The following UNC5D variants were observed in gnomAD, a reference collection of about 807,000 sequenced individuals.
The protein encoded by UNC5D is netrin receptor UNC5D.
A neutral mutation model predicts 105.4 loss-of-function variants in UNC5D; 39 were observed. That is an observed-to-expected ratio of 0.37 (90% CI 0.29 to 0.48). The LOEUF (loss-of-function observed/expected upper bound fraction) is 0.48. UNC5D is among the 20% of genes least tolerant of loss of function. The probability of loss-of-function intolerance (pLI) is 0.98; values close to 1 mark genes in which losing one functional copy is unlikely to be tolerated. For missense variants in UNC5D, 991 were observed against 1,202.4 expected, an observed-to-expected ratio of 0.82 and a Z score of 2.60; for synonymous variants, 452 against 450.4, an observed-to-expected ratio of 1.00 and a Z score of -0.04.
chr8:35,777,557 AG>A (rs1007452144), intron 16 of UNC5D, among the ~76,000 whole-genome samples: 18 of 152,226 alleles, frequency 1.2e-4, no homozygotes. Context: ...ACTAAGAGCC[AG>A]CAAACTTATT....
intron 4 of UNC5D, among the ~76,000 whole-genome samples, chr8:35,606,148 T>A (rs954550944): frequency 4.0e-5 from 6 of 151,792 alleles, no homozygotes; most frequent in Non-Finnish European, 7.4e-5. Context: ...CCACCATGCC[T>A]GGCTAATTTT....
chr8:35,427,113 C>T (rs1052026824), intron 1 of UNC5D, among the ~76,000 whole-genome samples: 2 of 152,104 alleles, frequency 1.3e-5, no homozygotes, highest in Admixed American at 1.3e-4. Context: ...ATATTCAGCT[C>T]CAGCTCAATA....
chr8:35,397,938 G>C (rs1804208448), intron 1 of UNC5D, among the ~76,000 whole-genome samples: 1 of 152,130 alleles, frequency 6.6e-6, no homozygotes, highest in African/African-American at 2.4e-5. Context: ...AGGTGATCCT[G>C]ACCTGTCCAG....
intron 4 of UNC5D, among the ~76,000 whole-genome samples, chr8:35,641,365 G>GCAAAAAAAAAAAAAAAAAAAAAAA (rs1563621756): frequency 5.0e-5 from 1 of 19,874 alleles, no homozygotes; most frequent in African/African-American, 2.0e-4. Flanking sequence ...AAAAAATAAA[G>GCAAAAAAAAAAAAAAAAAAAAAAA]CAAAAAAAAA....
rs571811965 is a variant in UNC5D at position 35,301,065 on chromosome 8, C to T, written c.103+65178C>T. On this transcript the variant is annotated intron_variant, in intron 1 of 16. Transcript: ENST00000404895. ...CCAGTAGCAACAAGCACACCTTGCT[C>T]GTAGATCTTGGTTTCTAAATACAGT... Among the ~76,000 whole-genome samples the T allele has an allele frequency of 4.6e-5, 7 of 152,224 alleles. No individual in the cohort carries two copies. The East Asian group carries it at 5.8e-4, about 13-fold the overall frequency.
At chr8:35,597,918 G>A (rs747461786) in intron 4 of UNC5D, among the ~76,000 whole-genome samples, 7 of 152,094 alleles carry the variant, frequency 4.6e-5, no homozygotes, top group Non-Finnish European at 8.8e-5. Flanking sequence ...CTGGCCTGGT[G>A]TGACCTTATA....
At chr8:35,583,732 A>G (rs901519244) in intron 3 of UNC5D, among the ~76,000 whole-genome samples, 2 of 152,166 alleles carry the variant, frequency 1.3e-5, no homozygotes, top group Admixed American at 6.5e-5. Context: ...GAGAATTTCT[A>G]TATTTTTAGT....
At chr8:35,566,473 T>A (rs1346335383) in intron 2 of UNC5D, among the ~76,000 whole-genome samples, 1 of 152,124 alleles carries the variant, frequency 6.6e-6, no homozygotes, top group African/African-American at 2.4e-5. Flanking sequence ...GTACTTAATT[T>A]AAAAAAATAG....
intron 1 of UNC5D, among the ~76,000 whole-genome samples, chr8:35,251,818 C>A (rs539052420): frequency 4.6e-5 from 7 of 152,112 alleles, no homozygotes; most frequent in African/African-American, 1.7e-4. Flanking sequence ...TTGTACTTAT[C>A]TTAGTGTCTG....
At chr8:35,297,728 G>A (rs1235575783) in intron 1 of UNC5D, among the ~76,000 whole-genome samples, 4 of 152,012 alleles carry the variant, frequency 2.6e-5, no homozygotes, top group Non-Finnish European at 5.9e-5. Flanking sequence ...CATTATAAAT[G>A]TGACAGGTGT....
chr8:35,575,956 T>G (rs1818060375), intron 3 of UNC5D, among the ~76,000 whole-genome samples: 2 of 152,282 alleles, frequency 1.3e-5, no homozygotes, highest in Admixed American at 1.3e-4. Context: ...ATGCACACTC[T>G]AGAATGTGAT....
intron 1 of UNC5D, chr8:35,254,993 A>G (rs1206925190): frequency 1.3e-5 from 2 of 152,222 alleles, no homozygotes; most frequent in Non-Finnish European, 2.9e-5. Flanking sequence ...AAAATAGAGA[A>G]AAGTATTAAA....
intron 11 of UNC5D, among the ~76,000 whole-genome samples, chr8:35,735,041 G>A (rs1225251233): frequency 1.3e-5 from 2 of 152,080 alleles, no homozygotes; most frequent in Admixed American, 6.5e-5. Flanking sequence ...GCCTCCCAAA[G>A]TGCTGGGATT....
At chr8:35,700,471 A>T (rs1827112900) in intron 7 of UNC5D, among the ~76,000 whole-genome samples, 1 of 152,182 alleles carries the variant, frequency 6.6e-6, no homozygotes. Flanking sequence ...GAAAAAAAAT[A>T]CGTTGTGTTT....
chr8:35,530,778 A>G (rs1453614839), intron 1 of UNC5D, among the ~76,000 whole-genome samples: 192 of 139,690 alleles, frequency 1.4e-3, no homozygotes, highest in Non-Finnish European at 2.0e-3. Flanking sequence ...GTCTTGGGAG[A>G]GTGTATGTGT....
chr8:35,463,504 C>T (rs1318822632), intron 1 of UNC5D, among the ~76,000 whole-genome samples: 3 of 151,940 alleles, frequency 2.0e-5, no homozygotes, highest in Non-Finnish European at 4.4e-5. Flanking sequence ...GTCAATGATA[C>T]CTGTTTCATC....
intron 3 of UNC5D, among the ~76,000 whole-genome samples, chr8:35,585,029 A>G (rs1586185207): frequency 6.6e-6 from 1 of 152,150 alleles, no homozygotes; most frequent in East Asian, 1.9e-4. Flanking sequence ...TTCTTAAAGC[A>G]TTTTGGAAAA....
At chr8:35,372,049 C>T (rs1364579074) in intron 1 of UNC5D, among the ~76,000 whole-genome samples, 3 of 152,154 alleles carry the variant, frequency 2.0e-5, no homozygotes, top group Non-Finnish European at 2.9e-5. Flanking sequence ...TCCCCCTCAC[C>T]CTGACCATTT....
intron 3 of UNC5D, among the ~76,000 whole-genome samples, chr8:35,587,485 C>G (rs1032816485): frequency 2.0e-5 from 3 of 152,162 alleles, no homozygotes; most frequent in Non-Finnish European, 2.9e-5. Context: ...TTTGCTCATT[C>G]ATTCATTCAA....
Sources: allele counts gnomAD v4.1 joint callset (sites outside exome capture counted in the v4.1 genomes callset), GRCh38; gene constraint gnomAD v4.1.1; transcripts MANE v1.5; gene names NCBI Gene and HGNC (gene_info 2026-07-23, HGNC 2026-07-21).